The following LINGO1 variants were observed in gnomAD, a reference collection of about 807,000 sequenced individuals.
LINGO1 encodes leucine-rich repeat and immunoglobulin-like domain-containing nogo receptor-interacting protein 1.
In LINGO1, 11 loss-of-function variants were observed where a neutral mutation model predicts 37.3. The ratio of observed to expected loss-of-function variants is 0.29; its 90% CI spans 0.19 to 0.49. The LOEUF is 0.49. Ranked by LOEUF, LINGO1 falls within the 20% of genes least tolerant of loss-of-function variation. The pLI, the probability that LINGO1 is intolerant of heterozygous loss-of-function variation, is 0.99. For synonymous variants in LINGO1, 387 were observed against 403.0 expected (o/e 0.96, Z 0.48); for missense variants, 585 against 878.2 (o/e 0.67, Z 4.22).
At chr15:77,812,386 C>T (rs868706989) in intron 1 of LINGO1, among the ~76,000 whole-genome samples, 2 of 152,324 alleles carry the variant, frequency 1.3e-5, no homozygotes, top group South Asian at 2.1e-4. Flanking sequence ...AAAGTGTCAC[C>T]GGACAAAGAG....
At chr15:77,745,277 T>C (rs2141355721) in intron 1 of LINGO1, among the ~76,000 whole-genome samples, 1 of 150,446 alleles carries the variant, frequency 6.6e-6, no homozygotes, top group Non-Finnish European at 1.5e-5. Flanking sequence ...ATACAAAAAA[T>C]TAGCCAGGCG....
At chr15:77,774,673 C>T (rs920636282) in intron 1 of LINGO1, among the ~76,000 whole-genome samples, 2 of 152,250 alleles carry the variant, frequency 1.3e-5, no homozygotes, top group East Asian at 1.9e-4. Flanking sequence ...CAGTTTGGGG[C>T]CCAGGGTGGT....
Position 77,615,555 on chromosome 15 carries a change from GGTT to G in LINGO1, c.349_351del (p.Asn117del). 1 of 1,613,082 alleles carries G rather than the reference GGTT, an allele frequency of 6.2e-7. No individual in the cohort carries two copies. The highest frequency in any genetic ancestry group is 8.5e-7 in the Non-Finnish European group (1 of 1,179,480). ...AGACCCAGCGTCCGGAGGTTGAAGA[GGTT>G]GTTGAAGGCGCCGGGCTCCACGGCG... On this transcript the variant is annotated inframe_deletion, in exon 2 of 2. Coordinates refer to ENST00000355300, the MANE Select transcript of LINGO1 (RefSeq NM_032808.7).
intron 1 of LINGO1, among the ~76,000 whole-genome samples, chr15:77,752,039 G>C (rs376182060): frequency 6.6e-6 from 1 of 152,222 alleles, no homozygotes; most frequent in African/African-American, 2.4e-5. Context: ...CTTGCCCAAG[G>C]CCATGAGGCC....
chr15:77,742,188 C>T (rs1443384559), intron 1 of LINGO1, among the ~76,000 whole-genome samples: 2 of 152,234 alleles, frequency 1.3e-5, no homozygotes, highest in Admixed American at 6.5e-5. Context: ...GCCAGAGAAG[C>T]TGTCGGGGAC....
chr15:77,622,796 G>T (rs952346262), intron 1 of LINGO1, among the ~76,000 whole-genome samples: 22 of 152,300 alleles, frequency 1.4e-4, no homozygotes, highest in Admixed American at 1.2e-3. Flanking sequence ...CCAACCATCC[G>T]TTTCCCATGC....
In LINGO1 at chr15:77,614,487, G is replaced by A. The variant is rs775785028; in HGVS notation, c.1420C>T (p.Leu474Phe). The A allele has an allele frequency of 6.2e-7, 1 of 1,610,370 alleles. No individual in the cohort carries two copies. The highest frequency in any genetic ancestry group is 8.5e-7 in the Non-Finnish European group (1 of 1,179,746). ...HLVSAKSNGR[L>F]TVFPDGTLEV... ...AGCGTGCCATCAGGGAAGACTGTGA[G>A]CCGCCCATTGCTCTTGGCTGAGACC... is the stretch of plus-strand genomic sequence containing the variant. The change falls in exon 2 of 2, where the codon CTC becomes TTC. Residue 474 changes from leucine (L) to phenylalanine (F), a missense_variant. Leu to Phe is a conservative substitution (Grantham distance 22, BLOSUM62 0). Transcript: ENST00000355300.
chr15:77,644,060 G>T (rs137974861), intron 3 of LINGO1, among the ~76,000 whole-genome samples: 1 of 152,244 alleles, frequency 6.6e-6, no homozygotes, highest in East Asian at 1.9e-4. Flanking sequence ...CCCTCCAGGG[G>T]AGAGTCCTTG....
Position 77,632,119 on chromosome 15 carries a change from G to A in LINGO1, c.6+191C>T, listed in dbSNP as rs907818720. Reference sequence around the variant, plus strand: ...GGAATTTGTTGGGGTTGGAGAGAGGGGAGGTGGAAAAGGAAGAATTTTCAT... The same window carrying A: ...GGAATTTGTTGGGGTTGGAGAGAGGAGAGGTGGAAAAGGAAGAATTTTCAT... On this transcript the variant is annotated intron_variant, in intron 1 of 1. Coordinates refer to ENST00000355300, the MANE Select transcript of LINGO1 (RefSeq NM_032808.7). This position sits in a 1 kb window ranked among gnomAD's most constrained non-coding sequence, Gnocchi z 6.0. Among the ~76,000 whole-genome samples the A allele has an allele frequency of 2.6e-5, 4 of 152,202 alleles. No homozygotes were observed. The highest frequency in any genetic ancestry group is 4.4e-5 in the Non-Finnish European group (3 of 68,028).
rs1567577722 is a variant in LINGO1, at chr15:77,776,518, A to AAGGCAGGAAGGCAGGAAGGCAGGAAGGG, written c.-257+10350_-257+10351insCCCTTCCTGCCTTCCTGCCTTCCTGCCT. On this transcript the variant is annotated intron_variant, in intron 1 of 3. Transcript: ENST00000561686. Reference sequence around the variant, plus strand: ...GAAGGCAGGAAGGCAGGAAGGCAGGAAGGGAGGAAGGGAGGGAGGGAGGGA... The same window carrying AAGGCAGGAAGGCAGGAAGGCAGGAAGGG: ...GAAGGCAGGAAGGCAGGAAGGCAGGAAGGCAGGAAGGCAGGAAGGCAGGAAGGGAGGGAGGAAGGGAGGGAGGGAGGGA... Among the ~76,000 whole-genome samples the AAGGCAGGAAGGCAGGAAGGCAGGAAGGG allele has an allele frequency of 2.2e-3, 107 of 49,554 alleles. 4 individuals carry two copies. The highest frequency in any genetic ancestry group is 7.5e-3 in the African/African-American group (95 of 12,748). 32.5% of individuals were successfully genotyped at this position (49,554 alleles called of 152,430 possible).
chr15:77,668,413 G>T (rs80090456), intron 3 of LINGO1, among the ~76,000 whole-genome samples: 1 of 152,134 alleles, frequency 6.6e-6, no homozygotes, highest in Non-Finnish European at 1.5e-5. Flanking sequence ...GACTTGCAAG[G>T]CTTCCAATCC....
intron 3 of LINGO1, among the ~76,000 whole-genome samples, chr15:77,663,544 T>C (rs1161886012): frequency 6.6e-6 from 1 of 152,184 alleles, no homozygotes; most frequent in Admixed American, 6.5e-5. Flanking sequence ...GAAATGGCAG[T>C]GACATCTTCA....
chr15:77,683,798 G>A (rs557469566), intron 2 of LINGO1, among the ~76,000 whole-genome samples: 9 of 150,770 alleles, frequency 6.0e-5, no homozygotes, highest in South Asian at 2.1e-4. Flanking sequence ...TATTGTTTCC[G>A]TTTTTTAATT....
rs1480488351 is a variant in LINGO1, at chr15:77,632,757, C to G, written c.-442G>C. On this transcript the variant is annotated 5_prime_UTR_variant, in exon 1 of 2. Coordinates refer to ENST00000355300, the MANE Select transcript of LINGO1 (RefSeq NM_032808.7). This position sits in a 1 kb window ranked among gnomAD's most constrained non-coding sequence, Gnocchi z 6.0. ...CGGCGCCCCGCGTCGGGAGAGGGGCCGGAGCGGCGCGGGTGGGGACTCCGC... is the reference window on the plus strand; with the variant it reads ...CGGCGCCCCGCGTCGGGAGAGGGGCGGGAGCGGCGCGGGTGGGGACTCCGC... Among the ~76,000 whole-genome samples the G allele has an allele frequency of 6.8e-6, 1 of 146,110 alleles. No homozygotes were observed. The highest frequency in any genetic ancestry group is 2.5e-5 in the African/African-American group (1 of 40,768).
At chr15:77,796,090 C>G (rs1176259780) in intron 1 of LINGO1, 1 of 152,384 alleles carries the variant, frequency 6.6e-6, no homozygotes, top group Non-Finnish European at 1.5e-5. Context: ...TCAGCTAGAG[C>G]AGGGCAGCAG....
At chr15:77,695,497 G>A (rs1276003294) in intron 1 of LINGO1, among the ~76,000 whole-genome samples, 4 of 152,178 alleles carry the variant, frequency 2.6e-5, no homozygotes, top group Admixed American at 1.3e-4. Flanking sequence ...AGCCACTAGT[G>A]TTCCCTGGGC....
At chr15:77,819,836 C>T (rs1481961329) in intron 1 of LINGO1, among the ~76,000 whole-genome samples, 2 of 151,408 alleles carry the variant, frequency 1.3e-5, no homozygotes, top group African/African-American at 4.8e-5. Context: ...TCGGGCTTCT[C>T]GCACTCCCGC....
chr15:77,793,312 C>T (rs1392704727), intron 2 of LINGO1, among the ~76,000 whole-genome samples: 6 of 152,194 alleles, frequency 3.9e-5, no homozygotes. Flanking sequence ...ACACAGCATC[C>T]TGCCTCTTCC....
intron 2 of LINGO1, among the ~76,000 whole-genome samples, chr15:77,718,846 G>A (rs1291439758): frequency 6.6e-6 from 1 of 150,852 alleles, no homozygotes; most frequent in Admixed American, 6.6e-5. Flanking sequence ...TGGGCTACCG[G>A]GGCCTCCCTG....
Sources: gnomAD v4.1 joint callset for allele counts (sites outside exome capture counted in the v4.1 genomes callset) on GRCh38, gnomAD v4.1.1 for gene constraint, Gnocchi (gnomAD v3.1) non-coding constraint, MANE v1.5 for transcripts, NCBI Gene and HGNC (gene_info 2026-07-23, HGNC 2026-07-21) for gene names.